The following LETM1 variants were observed in gnomAD, a reference collection of about 807,000 sequenced individuals.
LETM1 encodes mitochondrial proton/calcium exchanger protein.
In LETM1, 50 loss-of-function variants were observed where a neutral mutation model predicts 74.5. That is an observed-to-expected ratio of 0.67 (90% CI 0.53 to 0.85). The LOEUF is 0.85. Ranked by LOEUF, LETM1 falls within the 40% of genes least tolerant of loss-of-function variation. The pLI, the probability that LETM1 is intolerant of heterozygous loss-of-function variation, is 0.00. For synonymous variants in LETM1, 446 were observed against 407.1 expected (o/e 1.10, Z -1.15); for missense variants, 824 against 967.8 (o/e 0.85, Z 1.97).
intron 9 of LETM1, chr4:1,822,744 C>T (rs908419357): frequency 4.1e-5 from 16 of 393,986 alleles, no homozygotes; most frequent in African/African-American, 1.9e-4. Flanking sequence ...TAAGCTTGCC[C>T]CTCTGAGACG....
intron 9 of LETM1, 69 bp downstream of exon 9, chr4:1,822,919 C>T (rs961513132): frequency 1.0e-5 from 13 of 1,274,234 alleles, no homozygotes; most frequent in Non-Finnish European, 1.3e-5. Flanking sequence ...AGACTGTGGG[C>T]GTGCGGGGGT....
At chr4:1,829,806 C>CGT (rs1282941499) in intron 6 of LETM1, among the ~76,000 whole-genome samples, 1 of 152,108 alleles carries the variant, frequency 6.6e-6, no homozygotes, top group African/African-American at 2.4e-5. Context: ...GCCTGGGCAA[C>CGT]AGAACAAGAC....
At chr4:1,821,799 T>A (rs548952354) in intron 10 of LETM1, among the ~76,000 whole-genome samples, 1 of 152,134 alleles carries the variant, frequency 6.6e-6, no homozygotes, top group African/African-American at 2.4e-5. Context: ...TGACAGCAGG[T>A]TGGGCCTGTG....
At chr4:1,851,763 C>A (rs1416337446) in intron 1 of LETM1, among the ~76,000 whole-genome samples, 1 of 152,250 alleles carries the variant, frequency 6.6e-6, no homozygotes, top group Non-Finnish European at 1.5e-5. Flanking sequence ...CCTGCCCCGG[C>A]CAGCTCCTGT....
intron 1 of LETM1, among the ~76,000 whole-genome samples, chr4:1,855,520 C>T (rs978214950): frequency 9.2e-5 from 14 of 152,262 alleles, no homozygotes; most frequent in African/African-American, 3.1e-4. Context: ...CAAACGTGAC[C>T]AAAGGGCACG....
chr4:1,821,679 A>G (rs1321135619), intron 10 of LETM1, among the ~76,000 whole-genome samples: 3 of 152,104 alleles, frequency 2.0e-5, no homozygotes, highest in African/African-American at 7.2e-5. Flanking sequence ...TCAAGATGGA[A>G]GGTACCAGGA....
chr4:1,824,605 A>G (rs1234010718), intron 7 of LETM1, among the ~76,000 whole-genome samples: 1 of 150,202 alleles, frequency 6.7e-6, no homozygotes, highest in Non-Finnish European at 1.5e-5. Flanking sequence ...CTAAGAGAAG[A>G]AAGGCACCAC....
chr4:1,853,386 G>A (rs1560512725), intron 1 of LETM1, among the ~76,000 whole-genome samples: 1 of 152,236 alleles, frequency 6.6e-6, no homozygotes, highest in Non-Finnish European at 1.5e-5. Context: ...TACTGATCAA[G>A]GTCAACATCA....
At chr4:1,847,429 A>G (rs1577327015) in intron 2 of LETM1, among the ~76,000 whole-genome samples, 1 of 152,316 alleles carries the variant, frequency 6.6e-6, no homozygotes, top group South Asian at 2.1e-4. Flanking sequence ...TTTAGAAGTA[A>G]AATGGTTCAG....
At chr4:1,847,874 G>A (rs573403798) in intron 2 of LETM1, among the ~76,000 whole-genome samples, 2 of 148,580 alleles carry the variant, frequency 1.3e-5, no homozygotes, top group South Asian at 2.1e-4. Context: ...GTGCGCGCCT[G>A]TAATCCCAGC....
chr4:1,841,733 G>A lies in LETM1; in HGVS notation c.208C>T (p.Leu70Phe), dbSNP rs1419231056. The A allele has an allele frequency of 1.9e-6, 3 of 1,614,166 alleles. No individual in the cohort carries two copies. Among genetic ancestry groups the A allele is most frequent in the Non-Finnish European group, 2.5e-6 (3 of 1,180,040 alleles). The change falls in exon 3 of 14, where the codon CTC becomes TTC. Residue 70 changes from leucine (L) to phenylalanine (F), a missense_variant. By Grantham distance (22) the Leu-to-Phe change is conservative. Coordinates refer to ENST00000302787, the MANE Select transcript of LETM1 (RefSeq NM_012318.3). Reference protein sequence around the residue: ...PVYTSSRGDHLGCWALRPECL... With the variant: ...PVYTSSRGDHFGCWALRPECL... ...TCGGGCCTCAGAGCCCAACAGCCGA[G>A]GTGATCGCCTCTGGAGGATGTGTAC...
intron 5 of LETM1, 115 bp from the exon 6 acceptor site, chr4:1,833,062 GACT>G: frequency 1.2e-6 from 1 of 835,142 alleles, no homozygotes; most frequent in Non-Finnish European, 1.9e-6. Context: ...TCAAACCACT[GACT>G]ACTTCTTCTT....
At chr4:1,823,494 G>A in intron 8 of LETM1, 150 bp downstream of exon 8, 1 of 873,454 alleles carries the variant, frequency 1.1e-6, no homozygotes, top group Non-Finnish European at 1.8e-6. Context: ...AAGGGGACAG[G>A]TGGCTGGGTG....
chr4:1,821,494 GC>G (rs1711773505), intron 10 of LETM1, among the ~76,000 whole-genome samples: 1 of 151,580 alleles, frequency 6.6e-6, no homozygotes, highest in Admixed American at 6.6e-5. Flanking sequence ...TTTGAGACCA[GC>G]CTGGCTAACA....
chr4:1,828,970 C>T (rs1479846576), intron 6 of LETM1, among the ~76,000 whole-genome samples: 6 of 103,128 alleles, frequency 5.8e-5, no homozygotes, highest in Non-Finnish European at 9.6e-5. Flanking sequence ...CCGGACGGGG[C>T]GGCTGGCCGG....
In LETM1 at chr4:1,834,982, C is replaced by T; in HGVS notation, c.739G>A (p.Glu247Lys). 6.2e-7 allele frequency: 1 copy of T among 1,613,782 alleles called. No individual in the cohort carries two copies. The highest frequency in any genetic ancestry group is 1.1e-5 in the South Asian group (1 of 91,080). Residue 247 changes from glutamate (E) to lysine (K), a missense_variant and splice_region_variant, in exon 5 of 14, where the codon GAG becomes AAG. Physicochemically the swap from Glu to Lys is moderately conservative, Grantham distance 56. This residue lies in a region of LETM1 where 269 missense variants were observed against 348.8 expected (regional missense o/e 0.77). Coordinates refer to ENST00000302787, the MANE Select transcript of LETM1 (RefSeq NM_012318.3). The surrounding 1 kb of genome is among the most constrained non-coding windows in gnomAD (Gnocchi z 5.0). ...PSTFETQSLK[E>K]ERLKKELRVK... ...CGAAGCTCCTTCTTCAGCCTCTCCT[C>T]CTGCAAGGGCAGAGAGGGCACTGCA...
In LETM1 at chr4:1,812,404, T is replaced by C. The variant is rs1210665156; in HGVS notation, c.*2020A>G. The C allele has an allele frequency of 7.0e-6, 1 of 143,252 alleles. No homozygotes were observed. The highest frequency in any genetic ancestry group is 2.1e-4 in the East Asian group (1 of 4,828). The allele number at this position is 143,252 out of a possible 1,614,324, so 8.9% of individuals were successfully genotyped here. A position where few individuals can be genotyped will look rare whatever the true frequency, so the allele number is the denominator to read the frequency against. ...AAAAAAAAAAAAGTGAGTGCTTAGC[T>C]GGAGTGAGGAGGAAACACTGAATTC... On this transcript the variant is annotated 3_prime_UTR_variant, in exon 14 of 14. Coordinates refer to ENST00000302787, the MANE Select transcript of LETM1 (RefSeq NM_012318.3).
At chr4:1,826,965 G>GGT (rs1712011242) in intron 6 of LETM1, among the ~76,000 whole-genome samples, 1 of 152,188 alleles carries the variant, frequency 6.6e-6, no homozygotes, top group South Asian at 2.1e-4. Flanking sequence ...CTGAGTCTCA[G>GGT]GTGTCGCCTC....
Position 1,822,313 on chromosome 4 carries a change from C to G in LETM1, c.1477-1G>C. ...CCACACGTTCGGGCTCAAAATCCTT[C>G]TGAAAGGCAAGGCGACACCAGCCCA... is the stretch of plus-strand genomic sequence containing the variant. On this transcript the variant is annotated splice_acceptor_variant, in intron 9 of 13. Coordinates refer to ENST00000302787, the MANE Select transcript of LETM1 (RefSeq NM_012318.3). LOFTEE classifies it high-confidence loss of function. The G allele has an allele frequency of 6.7e-7, 1 of 1,493,240 alleles. No individual in the cohort carries two copies. The highest frequency in any genetic ancestry group is 1.4e-5 in the South Asian group (1 of 74,026). 92.5% of individuals were successfully genotyped at this position (1,493,240 alleles called of 1,614,324 possible).
Sources: gnomAD v4.1 joint callset for allele counts (sites outside exome capture counted in the v4.1 genomes callset) on GRCh38, gnomAD v4.1.1 for gene constraint, gnomAD v4.1.1 regional missense constraint, Gnocchi (gnomAD v3.1) non-coding constraint, MANE v1.5 for transcripts, NCBI Gene and HGNC (gene_info 2026-07-23, HGNC 2026-07-21) for gene names.